Variants in ITPR2 observed in about 807,000 individuals in gnomAD.
ITPR2 encodes inositol 1,4,5-trisphosphate-gated calcium channel ITPR2.
In ITPR2, 207 loss-of-function variants were observed where a neutral mutation model predicts 317.1. That is an observed-to-expected ratio of 0.65 (90% CI 0.58 to 0.73). The LOEUF is 0.73. Among genes scored for constraint, ITPR2 ranks in the 30% least tolerant of loss-of-function variants. The probability of loss-of-function intolerance (pLI) is 0.00; values close to 1 mark genes in which losing one functional copy is unlikely to be tolerated. For synonymous variants in ITPR2, 1,156 were observed against 1,149.1 expected, an observed-to-expected ratio of 1.01 and a Z score of -0.12; for missense variants, 2,613 against 3,284.0, an observed-to-expected ratio of 0.80 and a Z score of 4.99.
intron 34 of ITPR2, among the ~76,000 whole-genome samples, chr12:26,564,775 G>A (rs550779966): frequency 7.8e-4 from 119 of 152,272 alleles, no homozygotes; most frequent in African/African-American, 2.8e-3. Context: ...TTCTTCCCTG[G>A]AGCCTTCAGA....
intron 55 of ITPR2, among the ~76,000 whole-genome samples, chr12:26,374,716 C>G (rs571819880): frequency 6.6e-6 from 1 of 152,302 alleles, no homozygotes; most frequent in Non-Finnish European, 1.5e-5. Flanking sequence ...GAGGAGGAAA[C>G]AGACTCAGAG....
chr12:26,523,075 G>A (rs190406883), intron 37 of ITPR2, among the ~76,000 whole-genome samples: 124 of 152,278 alleles, frequency 8.1e-4, no homozygotes, highest in African/African-American at 2.9e-3. Flanking sequence ...TAGAAGTAGA[G>A]GGAGCTGGGA....
intron 55 of ITPR2, among the ~76,000 whole-genome samples, chr12:26,354,463 A>C (rs1388701421): frequency 6.6e-6 from 1 of 152,132 alleles, no homozygotes; most frequent in Non-Finnish European, 1.5e-5. Context: ...GGTCCACCAC[A>C]TGGTCATAGT....
intron 45 of ITPR2, among the ~76,000 whole-genome samples, chr12:26,467,245 G>T (rs1942190162): frequency 6.6e-6 from 1 of 152,010 alleles, no homozygotes; most frequent in South Asian, 2.1e-4. Flanking sequence ...AATTTTTAAA[G>T]AAAAAAGTGG....
At chr12:26,578,883 C>T (rs78727987) in intron 33 of ITPR2, 50 bp from the exon 34 acceptor site, 2 of 1,546,698 alleles carry the variant, frequency 1.3e-6, no homozygotes, top group Non-Finnish European at 1.8e-6. Flanking sequence ...CCATTAACAG[C>T]CCTGATGTAG....
chr12:26,475,213 G>A (rs1160617881), intron 45 of ITPR2, 83 bp downstream of exon 45: 6 of 1,501,858 alleles, frequency 4.0e-6, no homozygotes, highest in Non-Finnish European at 5.5e-6. Context: ...GAAGGGACCA[G>A]AACTTGAAAA....
At position 26,831,609 on chromosome 12, in the gene ITPR2, G is replaced by T. The variant is rs77462307; in HGVS notation, c.92+1081C>A. On this transcript the variant is annotated intron_variant, in intron 1 of 56. Coordinates refer to ENST00000381340, the MANE Select transcript of ITPR2 (RefSeq NM_002223.4). The surrounding 1 kb of genome is among the most constrained non-coding windows in gnomAD (Gnocchi z 4.9). ...GCAGCGTGCAATTAAACTGCACACT[G>T]CTATTCCCAATCAGAACAGAGAAAA... 6.7e-6 allele frequency among the ~76,000 whole-genome samples: 1 copy of T among 150,280 alleles called. No homozygotes were observed. Among genetic ancestry groups the T allele is most frequent in the East Asian group, 1.9e-4 (1 of 5,136 alleles).
intron 2 of ITPR2, among the ~76,000 whole-genome samples, chr12:26,761,941 CA>C (rs745379247): frequency 1.3e-5 from 2 of 152,098 alleles, no homozygotes; most frequent in Non-Finnish European, 2.9e-5. Context: ...CTAAAGAATA[CA>C]ATGTCTTAAC....
At chr12:26,599,122 T>A (rs745383933) in intron 30 of ITPR2, 23 bp downstream of exon 30, 1 of 1,608,700 alleles carries the variant, frequency 6.2e-7, no homozygotes, top group East Asian at 2.2e-5. Context: ...GTGAAGCTGA[T>A]AAAAGGCAAA....
Position 26,632,024 on chromosome 12 carries a change from C to G in ITPR2, c.2776G>C (p.Glu926Gln). The change falls in exon 22 of 57, where the codon GAG (glutamate) becomes CAG (glutamine). Residue 926 changes from glutamate to glutamine, a missense_variant. Transcript: ENST00000381340. Reference sequence around the variant, plus strand: ...CTGAGTACCATCTGGGTCATCATCTCTCCCACCCCATGAATGGTTCTCATC... The same window carrying G: ...CTGAGTACCATCTGGGTCATCATCTGTCCCACCCCATGAATGGTTCTCATC... The part of the protein sequence containing the change: ...NVMRTIHGVG[E>Q]MMTQMVLSRG... 1 of 1,594,584 alleles carries G rather than the reference C, an allele frequency of 6.3e-7. No homozygotes were observed. The highest frequency in any genetic ancestry group is 8.5e-7 in the Non-Finnish European group (1 of 1,172,004).
intron 2 of ITPR2, among the ~76,000 whole-genome samples, chr12:26,782,028 ATATAT>A (rs1565759998): frequency 0.035 from 869 of 24,996 alleles, 21 homozygotes; most frequent in East Asian, 0.058. Flanking sequence ...ATATATATAT[ATATAT>A]GTATAGAGAG....
chr12:26,676,444 T>C (rs1183050779), intron 13 of ITPR2, among the ~76,000 whole-genome samples: 1 of 150,378 alleles, frequency 6.6e-6, no homozygotes, highest in Admixed American at 6.7e-5. Context: ...GCCACTGCAT[T>C]CCAGCCTGGG....
intron 32 of ITPR2, among the ~76,000 whole-genome samples, chr12:26,592,582 A>ATT (rs1945734351): frequency 6.6e-6 from 1 of 152,182 alleles, no homozygotes; most frequent in Non-Finnish European, 1.5e-5. Context: ...AAAAAGTAGT[A>ATT]AGCTCATTGT....
chr12:26,505,785 T>G (rs1018695254), intron 37 of ITPR2, among the ~76,000 whole-genome samples: 1 of 152,156 alleles, frequency 6.6e-6, no homozygotes, highest in African/African-American at 2.4e-5. Flanking sequence ...ACTGAATGTA[T>G]GAATCAATGA....
intron 55 of ITPR2, among the ~76,000 whole-genome samples, chr12:26,346,391 G>A (rs986511426): frequency 2.6e-5 from 4 of 152,190 alleles, no homozygotes; most frequent in African/African-American, 4.8e-5. Context: ...GGGAGGCCGA[G>A]GTGGGCAGAT....
At chr12:26,648,752 G>C (rs1296917636) in intron 21 of ITPR2, 1 of 151,402 alleles carries the variant, frequency 6.6e-6, no homozygotes, top group East Asian at 1.9e-4. Context: ...TTTTTCTCTA[G>C]GTACTTTCCA....
intron 1 of ITPR2, among the ~76,000 whole-genome samples, chr12:26,793,635 G>T (rs1365274542): frequency 6.6e-6 from 1 of 152,030 alleles, no homozygotes; most frequent in East Asian, 1.9e-4. Flanking sequence ...CACCATTATA[G>T]GGCCATCTTT....
chr12:26,426,006 T>G (rs1490951401), intron 49 of ITPR2, among the ~76,000 whole-genome samples: 1 of 152,210 alleles, frequency 6.6e-6, no homozygotes, highest in Non-Finnish European at 1.5e-5. Context: ...TCTCTTTATA[T>G]ATTCTTGGTC....
At chr12:26,810,758 ACCCTTTAACTTC>A (rs1300227548) in intron 1 of ITPR2, among the ~76,000 whole-genome samples, 5 of 152,114 alleles carry the variant, frequency 3.3e-5, no homozygotes, top group Admixed American at 3.3e-4. Context: ...TTAGTATTTC[ACCCTTTAACTTC>A]CCTGAATGCT....
Sources: gnomAD v4.1 joint callset for allele counts (sites outside exome capture counted in the v4.1 genomes callset) on GRCh38, gnomAD v4.1.1 for gene constraint, Gnocchi (gnomAD v3.1) non-coding constraint, MANE v1.5 for transcripts, NCBI Gene and HGNC (gene_info 2026-07-23, HGNC 2026-07-21) for gene names.